TEX15: variants seen among roughly 807,000 people sequenced by gnomAD.
The protein encoded by TEX15 is testis expressed 15, meiosis and synapsis associated, also known as testis-expressed protein 15.
In TEX15, 171 loss-of-function variants were observed where a neutral mutation model predicts 237.3. The observed-to-expected ratio is 0.72, with a 90% confidence interval of 0.64 to 0.82. TEX15 has a LOEUF of 0.82. Ranked by LOEUF, TEX15 falls within the 40% of genes least tolerant of loss-of-function variation. TEX15 has a pLI of 0.00. For synonymous variants in TEX15, 1,338 were observed against 1,269.8 expected, an observed-to-expected ratio of 1.05 and a Z score of -1.14; for missense variants, 3,750 against 3,646.5, an observed-to-expected ratio of 1.03 and a Z score of -0.73.
At chr8:30,891,410 G>A (rs764693366) in intron 2 of TEX15, among the ~76,000 whole-genome samples, 4 of 152,084 alleles carry the variant, frequency 2.6e-5, no homozygotes, top group Non-Finnish European at 5.9e-5. Context: ...TATGTTGGTA[G>A]TTTTTACTTT....
Position 30,854,375 on chromosome 8 carries a change from G to T in TEX15, c.850+4293C>A, listed in dbSNP as rs544483471. On this transcript the variant is annotated intron_variant, in intron 7 of 10. Transcript: ENST00000643185. ...AAAGGAATACTATAAGCAAATGTAT[G>T]CTAATAAATTACATAACTGAAATGA... 1.1e-4 allele frequency among the ~76,000 whole-genome samples: 17 copies of T among 151,284 alleles called. No individual in the cohort carries two copies. The South Asian group carries it at 3.5e-3, about 31-fold the overall frequency.
intron 1 of TEX15, among the ~76,000 whole-genome samples, chr8:30,902,468 G>A (rs1809027637): frequency 6.6e-6 from 1 of 152,138 alleles, no homozygotes; most frequent in Non-Finnish European, 1.5e-5. Context: ...CTGCAAGAAG[G>A]AAGACAAGGA....
chr8:30,843,868 C>T lies in TEX15; in HGVS notation c.6299G>A (p.Arg2100Gln), dbSNP rs774803241. ...TGTTTCATCATACCAAAGCAAGCTT[C>T]GCAATGTTGGTTCACCTTCTAAGTG... is the stretch of plus-strand genomic sequence containing the variant. ...KRHLEGEPTL[R>Q]SLLWYDETLY... The change falls in exon 8 of 11, where the codon CGA becomes CAA. Residue 2100 changes from arginine (R) to glutamine (Q), a missense_variant. Arg to Gln is a conservative substitution (Grantham distance 43). Coordinates refer to ENST00000643185, the MANE Select transcript of TEX15 (RefSeq NM_001350162.2). 2.0e-5 allele frequency: 32 copies of T among 1,612,318 alleles called. No individual in the cohort carries two copies. The highest frequency in any genetic ancestry group is 2.2e-5 in the East Asian group (1 of 44,882).
In TEX15 at chr8:30,844,853, A is replaced by T; in HGVS notation, c.5314T>A (p.Cys1772Ser). Reference protein sequence around the residue: ...REKELLKTEQCSSGNCLHTDG... With the variant: ...REKELLKTEQSSSGNCLHTDG... ...GTATGGAGGCAATTACCTGAAGAGC[A>T]CTGTTCTGTCTTTAGAAGCTCTTTT... Residue 1772 changes from cysteine (C) to serine (S), a missense_variant, in exon 8 of 11, where the codon TGC becomes AGC. By Grantham distance (112) the Cys-to-Ser change is moderately radical. Transcript: ENST00000643185. 1 of 1,613,480 alleles carries T rather than the reference A, an allele frequency of 6.2e-7. No individual in the cohort carries two copies. Among genetic ancestry groups the T allele is most frequent in the Non-Finnish European group, 8.5e-7 (1 of 1,179,566 alleles).
At position 30,902,075 on chromosome 8, in the gene TEX15, C is replaced by T. The variant is rs1563279105; in HGVS notation, c.-85-3258G>A. Among the ~76,000 whole-genome samples, 4 of 152,188 alleles carry T rather than the reference C, an allele frequency of 2.6e-5. No individual in the cohort carries two copies. The South Asian group carries it at 8.3e-4, about 31-fold the overall frequency. On this transcript the variant is annotated intron_variant, in intron 1 of 10. Transcript: ENST00000643185. Reference sequence around the variant, plus strand: ...ATCCTCTGGCTTCATCCCAGACCTACTGAATCTAGAGGCTGGGCCCGGAAA... The same window carrying T: ...ATCCTCTGGCTTCATCCCAGACCTATTGAATCTAGAGGCTGGGCCCGGAAA...
At chr8:30,894,212 G>T (rs948457169) in intron 2 of TEX15, among the ~76,000 whole-genome samples, 2 of 151,892 alleles carry the variant, frequency 1.3e-5, no homozygotes, top group Non-Finnish European at 1.5e-5. Flanking sequence ...TTCCTGCTAC[G>T]TGGCAGGCTG....
At position 30,849,262 on chromosome 8, in the gene TEX15, T is replaced by C. The variant is rs1250798400; in HGVS notation, c.905A>G (p.Lys302Arg). The change falls in exon 8 of 11, where the codon AAA (lysine) becomes AGA (arginine). Residue 302 changes from lysine to arginine, a missense_variant. By Grantham distance (26) the Lys-to-Arg change is conservative. Transcript: ENST00000643185. ...ATGCACAAAGGTGACAGTAGCATCTTTTCCTTTTCCAAATCTTTTGGCCAC... is the reference window on the plus strand; with the variant it reads ...ATGCACAAAGGTGACAGTAGCATCTCTTCCTTTTCCAAATCTTTTGGCCAC... ...CTVAKRFGKG[K>R]DATVTFVHFK... The C allele has an allele frequency of 3.1e-5, 48 of 1,535,214 alleles. No homozygotes were observed. In the East Asian group the frequency reaches 9.3e-4, roughly 30 times the overall value.
chr8:30,840,812 T>C (rs971108758), intron 8 of TEX15, among the ~76,000 whole-genome samples: 3 of 152,184 alleles, frequency 2.0e-5, no homozygotes, highest in Non-Finnish European at 4.4e-5. Context: ...AAGGTCAAAC[T>C]CCTTAGGTCT....
chr8:30,846,537 A>G lies in TEX15; in HGVS notation c.3630T>C (p.Phe1210=). The change falls in exon 8 of 11, where the codon TTT becomes TTC. Residue 1210 remains phenylalanine, a synonymous_variant. Transcript: ENST00000643185. ...ILGFDIYSQP[F]GENADYPCED... ...CACATGGATAATCTGCATTTTCACC[A>G]AAAGGCTGGGAATAAATGTCAAATC... 1 of 1,613,760 alleles carries G rather than the reference A, an allele frequency of 6.2e-7. No homozygotes were observed. The highest frequency in any genetic ancestry group is 8.5e-7 in the Non-Finnish European group (1 of 1,179,766).
Position 30,837,450 on chromosome 8 carries a change from T to A in TEX15, c.8834A>T (p.Lys2945Ile). 1 of 1,614,140 alleles carries A rather than the reference T, an allele frequency of 6.2e-7. No homozygotes were observed. Among genetic ancestry groups the A allele is most frequent in the Non-Finnish European group, 8.5e-7 (1 of 1,180,016 alleles). ...TTTGTTTATCTGCAGAGTAGGAATT[T>A]TGTTCTGGATACAGATGGGTTCTGG... ...TSPEPICIQNKIPTLQINKLQ... is the reference protein window; with the variant it reads ...TSPEPICIQNIIPTLQINKLQ... Residue 2945 changes from lysine (K) to isoleucine (I), a missense_variant, in exon 10 of 11, where the codon AAA (lysine) becomes ATA (isoleucine). Transcript: ENST00000643185.
At position 30,845,804 on chromosome 8, in the gene TEX15, G is replaced by A. The variant is rs141926985; in HGVS notation, c.4363C>T (p.Arg1455Trp). 5.6e-5 allele frequency: 90 copies of A among 1,609,046 alleles called. 1 individual carries two copies. Among genetic ancestry groups the A allele is most frequent in the African/African-American group, 1.7e-4 (13 of 74,406 alleles). ...GCTTTTGGAGCTCTTTTCTTTCTCCGTTTGTCATATTTTCTTTTTGACGAA... is the reference window on the plus strand; with the variant it reads ...GCTTTTGGAGCTCTTTTCTTTCTCCATTTGTCATATTTTCTTTTTGACGAA... The part of the protein sequence containing the change: ...HFSSKRKYDK[R>W]RKKRAPKADI... The change falls in exon 8 of 11, where the codon CGG (arginine) becomes TGG (tryptophan). Residue 1455 changes from arginine to tryptophan, a missense_variant. By Grantham distance (101) the Arg-to-Trp change is moderately radical (BLOSUM62 -3). Transcript: ENST00000643185.
At chr8:30,903,525 TC>T (rs1809043640) in intron 1 of TEX15, among the ~76,000 whole-genome samples, 1 of 152,210 alleles carries the variant, frequency 6.6e-6, no homozygotes, top group Admixed American at 6.5e-5. Flanking sequence ...TCAGTCCTAG[TC>T]CTTCCTTCAG....
At chr8:30,854,130 GA>G (rs1038746487) in intron 7 of TEX15, among the ~76,000 whole-genome samples, 1 of 149,058 alleles carries the variant, frequency 6.7e-6, no homozygotes, top group Non-Finnish European at 1.5e-5. Flanking sequence ...AAAGCAAACA[GA>G]AAAAAATAAA....
chr8:30,906,768 A>G (rs1809110413), intron 1 of TEX15, among the ~76,000 whole-genome samples: 1 of 152,184 alleles, frequency 6.6e-6, no homozygotes, highest in Non-Finnish European at 1.5e-5. Context: ...CAGTCAACCA[A>G]AATAATTTAT....
chr8:30,846,401 G>A lies in TEX15; in HGVS notation c.3766C>T (p.Gln1256Ter). The A allele has an allele frequency of 6.2e-7, 1 of 1,613,332 alleles. No homozygotes were observed. The highest frequency in any genetic ancestry group is 1.3e-5 in the African/African-American group (1 of 75,018). The change falls in exon 8 of 11, where the codon CAG (glutamine) becomes TAG (stop). Residue 1256 changes from glutamine to a stop codon, truncating the protein, a stop_gained. Coordinates refer to ENST00000643185, the MANE Select transcript of TEX15 (RefSeq NM_001350162.2). LOFTEE classifies it high-confidence loss of function. ...TCAGTAAACAAAGATTCACTGTTCT[G>A]ATTTTCAGACGTATGATTCACATCT... Reference protein sequence around the residue: ...NTDVNHTSENQNSESLFTEPS... With the variant: ...NTDVNHTSEN
Position 30,848,009 on chromosome 8 carries a change from G to C in TEX15, c.2158C>G (p.Leu720Val). 1 of 1,613,856 alleles carries C rather than the reference G, an allele frequency of 6.2e-7. No individual in the cohort carries two copies. The highest frequency in any genetic ancestry group is 8.5e-7 in the Non-Finnish European group (1 of 1,179,846). The change falls in exon 8 of 11, where the codon CTG (leucine) becomes GTG (valine). Residue 720 changes from leucine (L) to valine (V), a missense_variant. Transcript: ENST00000643185. ...EWQITPSFES[L>V]SQKHPQHSVE... ...GAGTGCTGAGGATGCTTTTGTGACA[G>C]GCTCTCAAAACTTGGAGTAATTTGC...
chr8:30,906,893 T>C (rs1018152684), intron 1 of TEX15, among the ~76,000 whole-genome samples: 1 of 152,078 alleles, frequency 6.6e-6, no homozygotes, highest in Admixed American at 6.5e-5. Flanking sequence ...ACACAAAAAA[T>C]TGCATTTTCT....
intron 2 of TEX15, among the ~76,000 whole-genome samples, chr8:30,893,084 G>A (rs1051385844): frequency 1.3e-5 from 2 of 150,784 alleles, no homozygotes; most frequent in African/African-American, 4.9e-5. Flanking sequence ...TGGCTAACAC[G>A]TATATAACAC....
chr8:30,859,679 A>G (rs975454776), intron 6 of TEX15, among the ~76,000 whole-genome samples: 1 of 152,164 alleles, frequency 6.6e-6, no homozygotes, highest in African/African-American at 2.4e-5. Context: ...ATTAATCTAT[A>G]TAATATCTAA....
Sources: allele counts gnomAD v4.1 joint callset (sites outside exome capture counted in the v4.1 genomes callset), GRCh38; gene constraint gnomAD v4.1.1; transcripts MANE v1.5; gene names NCBI Gene and HGNC (gene_info 2026-07-23, HGNC 2026-07-21).